Variants in R3HDM1 observed in about 807,000 individuals in gnomAD.
The protein encoded by R3HDM1 is R3H domain-containing protein 1.
R3HDM1 carries 46 observed loss-of-function variants against 141.1 expected under a neutral mutation model. That is an observed-to-expected ratio of 0.33 (90% CI 0.26 to 0.42). The LOEUF (loss-of-function observed/expected upper bound fraction) is 0.42. Among genes scored for constraint, R3HDM1 ranks in the 10% least tolerant of loss-of-function variants. The probability of loss-of-function intolerance (pLI) is 1.00; values close to 1 mark genes in which losing one functional copy is unlikely to be tolerated. For missense variants in R3HDM1, 1,184 were observed against 1,368.3 expected (o/e 0.87, Z 2.12); for synonymous variants, 435 against 472.9 (o/e 0.92, Z 1.04).
At chr2:135,649,593 G>T (rs532314149) in intron 16 of R3HDM1, among the ~76,000 whole-genome samples, 5 of 152,228 alleles carry the variant, frequency 3.3e-5, no homozygotes, top group Non-Finnish European at 7.4e-5. Flanking sequence ...GGGGGTCTTT[G>T]TTAAATAATA....
intron 1 of R3HDM1, chr2:135,566,655 A>G (rs4954265): frequency 0.11 from 86,112 of 749,052 alleles, 13,156 homozygotes; most frequent in African/African-American, 0.61. Context: ...AATCTGCATG[A>G]AAATCCAAAC....
intron 21 of R3HDM1, among the ~76,000 whole-genome samples, chr2:135,681,765 T>A (rs544734862): frequency 6.6e-6 from 1 of 152,110 alleles, no homozygotes; most frequent in African/African-American, 2.4e-5. Flanking sequence ...GGACTGGACA[T>A]GAGCTGCCCC....
chr2:135,607,964 T>C lies in R3HDM1; in HGVS notation c.171+2948T>C, dbSNP rs2060217716. The C allele has an allele frequency of 3.1e-6, 3 of 982,924 alleles. No homozygotes were observed. In the South Asian group the frequency reaches 1.4e-4, roughly 46 times the overall value. The allele number at this position is 982,924 out of a possible 1,614,324, so 60.9% of individuals were successfully genotyped here. ...GAGGGAAAAAGAGAATGTGAGAATT[T>C]ATTTTATGTTAATCTGGTGAATGCC... On this transcript the variant is annotated intron_variant, in intron 3 of 26. Transcript: ENST00000683871.
intron 1 of R3HDM1, among the ~76,000 whole-genome samples, chr2:135,556,673 C>A (rs1700831387): frequency 6.6e-6 from 1 of 152,056 alleles, no homozygotes; most frequent in Non-Finnish European, 1.5e-5. Flanking sequence ...CACCCACCAC[C>A]ACACCCGGCT....
At chr2:135,636,763 A>G (rs2063294984) in intron 11 of R3HDM1, among the ~76,000 whole-genome samples, 1 of 151,742 alleles carries the variant, frequency 6.6e-6, no homozygotes, top group African/African-American at 2.4e-5. Context: ...TGTGTTAATC[A>G]GCTACAGATA....
At chr2:135,562,583 C>T (rs1439881454) in intron 1 of R3HDM1, among the ~76,000 whole-genome samples, 3 of 152,102 alleles carry the variant, frequency 2.0e-5, no homozygotes, top group African/African-American at 7.2e-5. Flanking sequence ...GTTCACTTAC[C>T]AATATCTAGA....
intron 20 of R3HDM1, among the ~76,000 whole-genome samples, chr2:135,676,806 G>A (rs2069255264): frequency 6.6e-6 from 1 of 152,084 alleles, no homozygotes; most frequent in Non-Finnish European, 1.5e-5. Context: ...GAGAGACTCA[G>A]TCACAAAAAA....
chr2:135,613,981 G>T (rs751538033), intron 3 of R3HDM1, among the ~76,000 whole-genome samples: 17 of 152,202 alleles, frequency 1.1e-4, no homozygotes, highest in Non-Finnish European at 2.2e-4. Flanking sequence ...ACTGGACTAA[G>T]ATTCTGAAGA....
At chr2:135,611,972 T>G (rs899852009) in intron 3 of R3HDM1, among the ~76,000 whole-genome samples, 1 of 152,238 alleles carries the variant, frequency 6.6e-6, no homozygotes, top group African/African-American at 2.4e-5. Flanking sequence ...GGAATAACTA[T>G]AAACCAGATA....
At chr2:135,622,826 A>T (rs2061635631) in intron 7 of R3HDM1, 94 bp downstream of exon 7, 1 of 1,373,928 alleles carries the variant, frequency 7.3e-7, no homozygotes, top group African/African-American at 1.5e-5. Flanking sequence ...ATAGAATAAG[A>T]TTGCAGATAT....
chr2:135,599,600 C>T (rs1171960218), intron 1 of R3HDM1, among the ~76,000 whole-genome samples: 1 of 152,172 alleles, frequency 6.6e-6, no homozygotes, highest in Non-Finnish European at 1.5e-5. Context: ...CACGTGCCCA[C>T]ACAACCTTTG....
At chr2:135,720,139 G>A (rs763197743) in intron 24 of R3HDM1, among the ~76,000 whole-genome samples, 19 of 152,270 alleles carry the variant, frequency 1.2e-4, no homozygotes, top group Admixed American at 8.5e-4. Context: ...CACCGCGCCC[G>A]GCCTTCACAA....
chr2:135,641,865 A>G, intron 15 of R3HDM1, 75 bp downstream of exon 15: 1 of 1,412,448 alleles, frequency 7.1e-7, no homozygotes. Context: ...TTTTCTGAAT[A>G]TGTGTAGTCA....
chr2:135,667,294 T>C, intron 19 of R3HDM1: 1 of 863,310 alleles, frequency 1.2e-6, no homozygotes, highest in Non-Finnish European at 1.4e-6. Flanking sequence ...CCTAGTTCTC[T>C]TAGCTTGCAG....
At chr2:135,576,751 A>G (rs1033647635) in intron 1 of R3HDM1, among the ~76,000 whole-genome samples, 20 of 152,336 alleles carry the variant, frequency 1.3e-4, no homozygotes, top group African/African-American at 4.3e-4. Context: ...AGCAGTCACA[A>G]AAGGCCACAG....
Position 135,724,355 on chromosome 2 carries a change from G to T in R3HDM1, c.*63G>T. 7.9e-7 allele frequency: 1 copy of T among 1,259,870 alleles called. No individual in the cohort carries two copies. Among genetic ancestry groups the T allele is most frequent in the African/African-American group, 1.5e-5 (1 of 66,884 alleles). The allele number at this position is 1,259,870 out of a possible 1,614,324, so 78.0% of individuals were successfully genotyped here. ...GCCCTCTCCCATCTTTGATTGGCTT[G>T]GTATTTGGAGCTTCTGTTAACATTA... On this transcript the variant is annotated 3_prime_UTR_variant, in exon 27 of 27. Transcript: ENST00000683871.
At position 135,626,209 on chromosome 2, in the gene R3HDM1, G is replaced by GTGCGTGTGTGCTTGCT. The variant is rs1553576639; in HGVS notation, c.497+3480_497+3481insGTGTGTGCTTGCTTGC. Reference sequence around the variant, plus strand: ...CGTGCGTGCGTGCGTGCGTGCGTGCGTGCTTGCTTGCTTGCTTGCTTGCTT... The same window carrying GTGCGTGTGTGCTTGCT: ...CGTGCGTGCGTGCGTGCGTGCGTGCGTGCGTGTGTGCTTGCTTGCTTGCTTGCTTGCTTGCTTGCTT... On this transcript the variant is annotated intron_variant, in intron 7 of 26. Coordinates refer to ENST00000683871, the MANE Select transcript of R3HDM1 (RefSeq NM_001378107.1). Among the ~76,000 whole-genome samples the GTGCGTGTGTGCTTGCT allele has an allele frequency of 7.0e-5, 10 of 143,448 alleles. No homozygotes were observed. In the East Asian group the frequency reaches 1.6e-3, roughly 23 times the overall value. 94.1% of individuals were successfully genotyped at this position (143,448 alleles called of 152,430 possible).
intron 1 of R3HDM1, among the ~76,000 whole-genome samples, chr2:135,581,677 T>C (rs1706843927): frequency 6.6e-6 from 1 of 152,228 alleles, no homozygotes; most frequent in African/African-American, 2.4e-5. Context: ...TTCCTACTTC[T>C]AGTGGCATCA....
intron 1 of R3HDM1, among the ~76,000 whole-genome samples, chr2:135,594,448 T>G (rs1710094048): frequency 6.6e-6 from 1 of 152,102 alleles, no homozygotes; most frequent in African/African-American, 2.4e-5. Flanking sequence ...GTCAAAGAAT[T>G]AGAGATACCC....
Sources: gnomAD v4.1 joint callset for allele counts (sites outside exome capture counted in the v4.1 genomes callset) on GRCh38, gnomAD v4.1.1 for gene constraint, MANE v1.5 for transcripts, NCBI Gene and HGNC (gene_info 2026-07-23, HGNC 2026-07-21) for gene names.